The following GLI2 variants were observed in gnomAD, a reference collection of about 807,000 sequenced individuals.
The protein encoded by GLI2 is transcription activator GLI2.
In GLI2, 22 loss-of-function variants were observed where a neutral mutation model predicts 78.9. That is an observed-to-expected ratio of 0.28 (90% CI 0.20 to 0.40). GLI2 has a LOEUF of 0.40. GLI2 is among the 10% of genes least tolerant of loss of function. GLI2 has a pLI of 1.00. For synonymous variants in GLI2, 974 were observed against 963.7 expected (o/e 1.01, Z -0.20); for missense variants, 2,097 against 2,213.2 (o/e 0.95, Z 1.05).
At chr2:120,971,443 C>T (rs945965975) in intron 7 of GLI2, among the ~76,000 whole-genome samples, 2 of 152,236 alleles carry the variant, frequency 1.3e-5, no homozygotes, top group African/African-American at 2.4e-5. Context: ...CCTCCCTCTC[C>T]ACCCCAGGGC....
rs1016165634 is a variant in GLI2, at chr2:120,737,301, A to G, written c.-31+1016A>G. On this transcript the variant is annotated intron_variant, in intron 1 of 13. Transcript: ENST00000361492. This position sits in a 1 kb window ranked among gnomAD's most constrained non-coding sequence, Gnocchi z 4.3. ...CTCGGCGCCTTTTCAGCCCGGCGGT[A>G]ACTGCTGTCATTTCCTAGGAAACCC... Among the ~76,000 whole-genome samples, 23 of 151,812 alleles carry G rather than the reference A, an allele frequency of 1.5e-4. No individual in the cohort carries two copies. Among genetic ancestry groups the G allele is most frequent in the Non-Finnish European group, 3.1e-4 (21 of 67,918 alleles).
chr2:120,770,144 G>A (rs1683482487), intron 1 of GLI2, among the ~76,000 whole-genome samples: 1 of 152,150 alleles, frequency 6.6e-6, no homozygotes, highest in Admixed American at 6.5e-5. Context: ...TCCTAGAATT[G>A]AACACCTCGG....
intron 2 of GLI2, among the ~76,000 whole-genome samples, chr2:120,868,583 G>A (rs1049043181): frequency 2.4e-4 from 37 of 152,194 alleles, no homozygotes; most frequent in African/African-American, 7.2e-4. Flanking sequence ...CCCTCCTGGG[G>A]ACACTTGCAT....
intron 1 of GLI2, among the ~76,000 whole-genome samples, chr2:120,747,826 T>C (rs1682737938): frequency 6.6e-6 from 1 of 152,228 alleles, no homozygotes; most frequent in Non-Finnish European, 1.5e-5. Context: ...AGCAGTACTT[T>C]ATTCAAACCT....
rs548062252 is a variant in GLI2, at chr2:120,966,796, G to A, written c.644-1918G>A. 1.1e-4 allele frequency among the ~76,000 whole-genome samples: 17 copies of A among 152,340 alleles called. No homozygotes were observed. In the East Asian group the frequency reaches 3.3e-3, roughly 29 times the overall value. ...TGGGGACTGGTAGGTGTGGAGTGGG[G>A]GGCTCAGAGGCTCGTAGGCCATCAC... On this transcript the variant is annotated intron_variant, in intron 5 of 13. Transcript: ENST00000361492.
intron 1 of GLI2, among the ~76,000 whole-genome samples, chr2:120,753,608 C>G (rs1682943484): frequency 6.6e-6 from 1 of 152,032 alleles, no homozygotes; most frequent in Non-Finnish European, 1.5e-5. Context: ...TAAATTAAAG[C>G]TATTTCCAGG....
intron 2 of GLI2, among the ~76,000 whole-genome samples, chr2:120,823,822 C>T (rs528085254): frequency 8.5e-5 from 13 of 152,280 alleles, no homozygotes; most frequent in East Asian, 1.9e-4. Flanking sequence ...TAGGCCTAGG[C>T]GAAGGCGCAG....
At chr2:120,887,875 A>G (rs1037235742) in intron 2 of GLI2, among the ~76,000 whole-genome samples, 10 of 152,246 alleles carry the variant, frequency 6.6e-5, no homozygotes, top group African/African-American at 1.4e-4. Flanking sequence ...TGCTAGATCA[A>G]TATGACAGGC....
At chr2:120,897,409 G>A (rs765899344) in intron 2 of GLI2, among the ~76,000 whole-genome samples, 3 of 152,208 alleles carry the variant, frequency 2.0e-5, no homozygotes, top group Non-Finnish European at 4.4e-5. Flanking sequence ...AAGCAATAAA[G>A]GTGATCACAG....
At chr2:120,896,914 C>T (rs1445138572) in intron 2 of GLI2, among the ~76,000 whole-genome samples, 3 of 151,022 alleles carry the variant, frequency 2.0e-5, no homozygotes, top group Non-Finnish European at 4.4e-5. Flanking sequence ...CAAAAAGTGG[C>T]GGAGATCAGG....
intron 2 of GLI2, among the ~76,000 whole-genome samples, chr2:120,899,673 G>A (rs1295052925): frequency 2.6e-5 from 4 of 152,178 alleles, no homozygotes; most frequent in African/African-American, 7.2e-5. Context: ...TGTATATAAC[G>A]GAACTCAGTC....
chr2:120,936,356 G>T (rs1249371605), intron 3 of GLI2, among the ~76,000 whole-genome samples: 1 of 152,140 alleles, frequency 6.6e-6, no homozygotes, highest in Non-Finnish European at 1.5e-5. Context: ...GCTAACATTA[G>T]AAGGAAAGCC....
At chr2:120,808,925 T>C (rs1685092360) in intron 2 of GLI2, among the ~76,000 whole-genome samples, 1 of 152,150 alleles carries the variant, frequency 6.6e-6, no homozygotes. Flanking sequence ...CAGCTGCCCA[T>C]AGTTCTCAGC....
chr2:120,881,559 G>A (rs1677128325), intron 2 of GLI2, among the ~76,000 whole-genome samples: 1 of 122,522 alleles, frequency 8.2e-6, no homozygotes, highest in Non-Finnish European at 1.7e-5. Context: ...GACAGTGGTG[G>A]GGAGGACAGG....
chr2:120,783,413 A>G (rs1332583201), intron 1 of GLI2, among the ~76,000 whole-genome samples: 1 of 152,032 alleles, frequency 6.6e-6, no homozygotes, highest in African/African-American at 2.4e-5. Context: ...TGGCAGGGAG[A>G]CCATGATTGG....
At chr2:120,819,696 A>G (rs922048346) in intron 2 of GLI2, among the ~76,000 whole-genome samples, 3 of 152,212 alleles carry the variant, frequency 2.0e-5, no homozygotes, top group African/African-American at 7.2e-5. Context: ...CAGTTTATTC[A>G]TCTGCTTGCA....
chr2:120,771,646 C>G (rs1054803187), intron 1 of GLI2, among the ~76,000 whole-genome samples: 2 of 152,238 alleles, frequency 1.3e-5, no homozygotes, highest in Admixed American at 1.3e-4. Context: ...GAGCCCAGAG[C>G]TGTCTTAGGG....
chr2:120,903,885 G>A (rs909388667), intron 2 of GLI2, among the ~76,000 whole-genome samples: 13 of 152,136 alleles, frequency 8.5e-5, no homozygotes, highest in African/African-American at 2.9e-4. Context: ...CTTATGAAGC[G>A]GGCGGGTGAC....
chr2:120,850,107 A>AAACAGAC (rs1446545493), intron 2 of GLI2, among the ~76,000 whole-genome samples: 1 of 152,198 alleles, frequency 6.6e-6, no homozygotes, highest in African/African-American at 2.4e-5. Context: ...CTGAAACAGA[A>AAACAGAC]AACAGACGGG....
Sources: allele counts gnomAD v4.1 joint callset (sites outside exome capture counted in the v4.1 genomes callset), GRCh38; gene constraint gnomAD v4.1.1; non-coding constraint Gnocchi (gnomAD v3.1); transcripts MANE v1.5; gene names NCBI Gene and HGNC (gene_info 2026-07-23, HGNC 2026-07-21).